The following RARS2 variants were observed in gnomAD, a reference collection of about 807,000 sequenced individuals.
RARS2 encodes the protein probable arginine--tRNA ligase, mitochondrial.
In RARS2, 67 loss-of-function variants were observed where a neutral mutation model predicts 88.5. That is an observed-to-expected ratio of 0.76 (90% confidence interval 0.62 to 0.93). The LOEUF is 0.93. RARS2 is among the 40% of genes least tolerant of loss of function. The pLI, the probability that RARS2 is intolerant of heterozygous loss-of-function variation, is 0.00. For synonymous variants in RARS2, 239 were observed against 230.3 expected, an observed-to-expected ratio of 1.04 and a Z score of -0.34; for missense variants, 664 against 684.2, an observed-to-expected ratio of 0.97 and a Z score of 0.33.
chr6:87,570,969 A>C (rs1403389446), intron 1 of RARS2, among the ~76,000 whole-genome samples: 1 of 152,198 alleles, frequency 6.6e-6, no homozygotes, highest in Non-Finnish European at 1.5e-5. Context: ...AAGTACAGGG[A>C]ATTTACTTAA....
At chr6:87,521,828 G>A (rs1187175579) in intron 11 of RARS2, among the ~76,000 whole-genome samples, 4 of 152,332 alleles carry the variant, frequency 2.6e-5, no homozygotes, top group Non-Finnish European at 5.9e-5. Flanking sequence ...AGCTCTGGGT[G>A]AAGTGTCTTG....
Position 87,515,675 on chromosome 6 carries a change from T to C in RARS2, c.1587-655A>G, listed in dbSNP as rs1210815813. Among the ~76,000 whole-genome samples the C allele has an allele frequency of 2.6e-5, 3 of 116,744 alleles. No individual in the cohort carries two copies. The South Asian group carries it at 7.9e-4, about 31-fold the overall frequency. 76.6% of individuals were successfully genotyped at this position (116,744 alleles called of 152,430 possible). Reference sequence around the variant, plus strand: ...TGAGGTGGGTAGAAACTATCCACTCTCCACACACACTGGCCACTCTTTAAA... The same window carrying C: ...TGAGGTGGGTAGAAACTATCCACTCCCCACACACACTGGCCACTCTTTAAA... On this transcript the variant is annotated intron_variant, in intron 18 of 19. Coordinates refer to ENST00000369536, the MANE Select transcript of RARS2 (RefSeq NM_020320.5).
intron 16 of RARS2, 44 bp downstream of exon 16, chr6:87,518,586 G>C (rs1772606158): frequency 6.4e-7 from 1 of 1,555,182 alleles, no homozygotes; most frequent in Non-Finnish European, 8.9e-7. Context: ...CCTAGCCTAA[G>C]TAAGCACAGT....
intron 6 of RARS2, among the ~76,000 whole-genome samples, chr6:87,547,326 A>G (rs1422351449): frequency 6.6e-6 from 1 of 152,148 alleles, no homozygotes; most frequent in African/African-American, 2.4e-5. Context: ...AATGCTGCTC[A>G]AGAACAGTAA....
chr6:87,553,972 C>T (rs866685996), intron 5 of RARS2, among the ~76,000 whole-genome samples: 9 of 152,238 alleles, frequency 5.9e-5, no homozygotes, highest in Admixed American at 2.6e-4. Flanking sequence ...AGACGGTACA[C>T]ATGCATAAAA....
chr6:87,571,532 A>C (rs1769724023), intron 1 of RARS2, among the ~76,000 whole-genome samples: 1 of 152,036 alleles, frequency 6.6e-6, no homozygotes, highest in South Asian at 2.1e-4. Context: ...CTTTTCCCCC[A>C]CTTCTCCAAT....
chr6:87,579,836 C>G (rs767325310), intron 1 of RARS2, among the ~76,000 whole-genome samples: 5 of 146,896 alleles, frequency 3.4e-5, no homozygotes, highest in African/African-American at 1.3e-4. Context: ...AAGCGATTCT[C>G]CTGTCTCAGC....
At chr6:87,532,748 G>A (rs1375422223) in intron 8 of RARS2, among the ~76,000 whole-genome samples, 1 of 152,090 alleles carries the variant, frequency 6.6e-6, no homozygotes. Context: ...TCACAGAATC[G>A]GGGGGAGGAG....
chr6:87,516,087 CTGTTAAGTGTCTGATTTCAATACT>C (rs1771644920), intron 18 of RARS2: 1 of 152,196 alleles, frequency 6.6e-6, no homozygotes, highest in South Asian at 2.1e-4. Context: ...GAAAACAGTC[CTGTTAAGTGTCTGATTTCAATACT>C]TGTTGAGTAA....
chr6:87,530,637 G>GC, intron 9 of RARS2, 147 bp downstream of exon 9: 3 of 978,038 alleles, frequency 3.1e-6, no homozygotes, highest in Non-Finnish European at 4.7e-6. Context: ...AGTTCTTTCA[G>GC]CCCAAAAAAA....
At chr6:87,535,676 G>GTTTTTT (rs10710147) in intron 8 of RARS2, among the ~76,000 whole-genome samples, 3 of 111,378 alleles carry the variant, frequency 2.7e-5, no homozygotes, top group African/African-American at 3.7e-5. Context: ...TAACTGTTTT[G>GTTTTTT]TTTTTTTTTT....
At chr6:87,589,594 A>T in intron 1 of RARS2, 1 of 883,710 alleles carries the variant, frequency 1.1e-6, no homozygotes, top group Non-Finnish European at 1.4e-6. Context: ...TAAAGTGTAA[A>T]GAACACTAAC....
At chr6:87,569,060 G>A (rs1434182263) in intron 2 of RARS2, among the ~76,000 whole-genome samples, 1 of 152,078 alleles carries the variant, frequency 6.6e-6, no homozygotes, top group African/African-American at 2.4e-5. Context: ...CTATCACTGG[G>A]AGTACTCAAA....
chr6:87,561,136 GAA>G (rs940555943), intron 4 of RARS2, among the ~76,000 whole-genome samples: 5 of 152,288 alleles, frequency 3.3e-5, no homozygotes, highest in African/African-American at 1.2e-4. Flanking sequence ...CAATACGTGA[GAA>G]AAACAGATGC....
chr6:87,519,177 AAT>A lies in RARS2; in HGVS notation c.1238-288_1238-287del, dbSNP rs985822962. On this transcript the variant is annotated intron_variant, in intron 14 of 19. Coordinates refer to ENST00000369536, the MANE Select transcript of RARS2 (RefSeq NM_020320.5). ...ATATGTATGTGTGTATATATATATA[AAT>A]ATATATGTGTGTGTGTGTGTGTGTG... The A allele has an allele frequency of 1.4e-3, 299 of 208,310 alleles. 12 individuals carry two copies. The highest frequency in any genetic ancestry group is 2.8e-3 in the East Asian group (25 of 9,010). The allele number at this position is 208,310 out of a possible 1,614,324, so 12.9% of individuals were successfully genotyped here.
At chr6:87,525,895 A>AT (rs1261790605) in intron 10 of RARS2, among the ~76,000 whole-genome samples, 1 of 150,968 alleles carries the variant, frequency 6.6e-6, no homozygotes, top group Non-Finnish European at 1.5e-5. Context: ...TGAAAAAGAA[A>AT]TTTAAAAAAA....
chr6:87,556,405 G>C (rs1024610732), intron 4 of RARS2, among the ~76,000 whole-genome samples: 2 of 151,850 alleles, frequency 1.3e-5, no homozygotes, highest in Non-Finnish European at 2.9e-5. Flanking sequence ...AGACTCAAAC[G>C]ACCTTCCTAC....
intron 13 of RARS2, 33 bp downstream of exon 13, chr6:87,520,147 T>C (rs904065536): frequency 1.3e-6 from 2 of 1,573,818 alleles, no homozygotes; most frequent in Admixed American, 1.7e-5. Flanking sequence ...CAGCTGACCC[T>C]GCACAGACAA....
At chr6:87,525,272 G>A (rs1442364909) in intron 10 of RARS2, among the ~76,000 whole-genome samples, 1 of 152,142 alleles carries the variant, frequency 6.6e-6, no homozygotes, top group Non-Finnish European at 1.5e-5. Flanking sequence ...TTCTTTCACT[G>A]CTATTTCTCT....
Sources: allele counts gnomAD v4.1 joint callset (sites outside exome capture counted in the v4.1 genomes callset), GRCh38; gene constraint gnomAD v4.1.1; transcripts MANE v1.5; gene names NCBI Gene and HGNC (gene_info 2026-07-23, HGNC 2026-07-21).